The following LRP12 variants were observed in gnomAD, a reference collection of about 807,000 sequenced individuals.
The protein encoded by LRP12 is low-density lipoprotein receptor-related protein 12.
In LRP12, 14 loss-of-function variants were observed where a neutral mutation model predicts 66.0. The ratio of observed to expected loss-of-function variants is 0.21; its 90% CI spans 0.14 to 0.33. The LOEUF is 0.33. LRP12 is among the 10% of genes least tolerant of loss of function. The probability of loss-of-function intolerance (pLI) is 1.00; values close to 1 mark genes in which losing one functional copy is unlikely to be tolerated. For synonymous variants in LRP12, 357 were observed against 359.1 expected (o/e 0.99, Z 0.07); for missense variants, 889 against 1,053.4 (o/e 0.84, Z 2.16).
At chr8:104,580,788 T>G (rs557747779) in intron 1 of LRP12, among the ~76,000 whole-genome samples, 1 of 152,216 alleles carries the variant, frequency 6.6e-6, no homozygotes, top group African/African-American at 2.4e-5. Context: ...AAATAACAAA[T>G]GCTTGCGAGG....
At chr8:104,561,943 A>G (rs1811914836) in intron 1 of LRP12, among the ~76,000 whole-genome samples, 1 of 152,142 alleles carries the variant, frequency 6.6e-6, no homozygotes, top group African/African-American at 2.4e-5. Context: ...GAGGAATGGT[A>G]TTTAGAGACC....
At chr8:104,540,693 T>G (rs548596533) in intron 1 of LRP12, among the ~76,000 whole-genome samples, 1 of 152,326 alleles carries the variant, frequency 6.6e-6, no homozygotes, top group African/African-American at 2.4e-5. Flanking sequence ...ATTTATAACA[T>G]TACTTTTAAT....
At chr8:104,543,074 G>A (rs1417047947) in intron 1 of LRP12, among the ~76,000 whole-genome samples, 2 of 151,338 alleles carry the variant, frequency 1.3e-5, no homozygotes, top group African/African-American at 4.9e-5. Context: ...GACACTGAGT[G>A]CTGTTACTCA....
intron 4 of LRP12, 105 bp downstream of exon 4, chr8:104,499,212 C>T: frequency 1.2e-6 from 1 of 854,084 alleles, no homozygotes; most frequent in Non-Finnish European, 1.8e-6. Flanking sequence ...GCCTCAAGGG[C>T]CTACTCCTAA....
intron 1 of LRP12, among the ~76,000 whole-genome samples, chr8:104,546,307 G>A (rs1000381908): frequency 6.6e-6 from 1 of 151,966 alleles, no homozygotes; most frequent in Non-Finnish European, 1.5e-5. Context: ...TGATAAGTGC[G>A]AACAAATATG....
intron 2 of LRP12, among the ~76,000 whole-genome samples, chr8:104,510,376 G>A (rs890713932): frequency 2.0e-5 from 3 of 152,164 alleles, no homozygotes; most frequent in Non-Finnish European, 2.9e-5. Context: ...TTGAAATAGT[G>A]CTTAAAATAT....
At chr8:104,580,541 AAAAC>A (rs538186997) in intron 1 of LRP12, among the ~76,000 whole-genome samples, 66 of 152,036 alleles carry the variant, frequency 4.3e-4, no homozygotes, top group African/African-American at 1.4e-3. Context: ...AAAAAAAAAC[AAAAC>A]AAACAAACAA....
chr8:104,539,321 G>C lies in LRP12; in HGVS notation c.80-7358C>G, dbSNP rs577643956. ...ACTCTAAAATATTAGTGGATGAAAT[G>C]ATGTCTGGTATTTCTTCAAAATATG... On this transcript the variant is annotated intron_variant, in intron 1 of 6. Transcript: ENST00000276654. 3.3e-5 allele frequency among the ~76,000 whole-genome samples: 5 copies of C among 152,276 alleles called. No individual in the cohort carries two copies. The South Asian group carries it at 1.0e-3, about 32-fold the overall frequency.
At chr8:104,555,011 T>C (rs1811783251) in intron 1 of LRP12, among the ~76,000 whole-genome samples, 1 of 152,204 alleles carries the variant, frequency 6.6e-6, no homozygotes, top group Non-Finnish European at 1.5e-5. Flanking sequence ...AAGAATTCTG[T>C]ATCCAGCAAA....
At chr8:104,580,674 T>C (rs904956689) in intron 1 of LRP12, among the ~76,000 whole-genome samples, 15 of 152,152 alleles carry the variant, frequency 9.9e-5, no homozygotes, top group African/African-American at 3.6e-4. Context: ...CCAACAATCA[T>C]ATGAAATATA....
At chr8:104,530,577 C>T (rs1342113939) in intron 2 of LRP12, among the ~76,000 whole-genome samples, 8 of 152,172 alleles carry the variant, frequency 5.3e-5, no homozygotes, top group African/African-American at 1.9e-4. Context: ...AAACTGATGT[C>T]TGTTATTTAA....
intron 3 of LRP12, 38 bp downstream of exon 3, chr8:104,508,901 G>T (rs747551610): frequency 6.6e-7 from 1 of 1,520,234 alleles, no homozygotes; most frequent in South Asian, 1.2e-5. Context: ...TTTATGTTTT[G>T]TAATAAATTA....
chr8:104,500,027 C>T (rs531200151), intron 3 of LRP12, among the ~76,000 whole-genome samples: 15 of 152,244 alleles, frequency 9.9e-5, no homozygotes, highest in African/African-American at 2.6e-4. Flanking sequence ...AAGGAACACA[C>T]GAAAAATGTT....
chr8:104,533,950 C>T, intron 1 of LRP12, among the ~76,000 whole-genome samples: 1 of 151,862 alleles, frequency 6.6e-6, no homozygotes, highest in African/African-American at 2.4e-5. Flanking sequence ...AAACCAGCTC[C>T]ATTACTTCTT....
intron 1 of LRP12, among the ~76,000 whole-genome samples, chr8:104,536,002 C>A (rs1037423659): frequency 2.0e-5 from 3 of 152,074 alleles, no homozygotes; most frequent in Non-Finnish European, 2.9e-5. Context: ...CCTACAATTT[C>A]TTTTCTACTG....
At chr8:104,559,269 C>T (rs1313881334) in intron 1 of LRP12, among the ~76,000 whole-genome samples, 2 of 152,098 alleles carry the variant, frequency 1.3e-5, no homozygotes, top group African/African-American at 2.4e-5. Context: ...GAATACTACT[C>T]AGCCATAAAA....
intron 1 of LRP12, among the ~76,000 whole-genome samples, chr8:104,544,480 G>A (rs905069890): frequency 2.6e-5 from 4 of 152,160 alleles, no homozygotes; most frequent in Non-Finnish European, 4.4e-5. Flanking sequence ...ACTTTTCCTA[G>A]CGAGAGAGAA....
chr8:104,564,091 C>CA (rs1008349200), intron 1 of LRP12, among the ~76,000 whole-genome samples: 4 of 151,852 alleles, frequency 2.6e-5, no homozygotes, highest in South Asian at 2.1e-4. Flanking sequence ...GTAACTACTT[C>CA]AAAATATTTC....
At chr8:104,581,582 T>C (rs1246426530) in intron 1 of LRP12, among the ~76,000 whole-genome samples, 1 of 152,026 alleles carries the variant, frequency 6.6e-6, no homozygotes, top group Non-Finnish European at 1.5e-5. Context: ...GTTTAATTTA[T>C]ATTTTAAGAA....
Sources: gnomAD v4.1 joint callset for allele counts (sites outside exome capture counted in the v4.1 genomes callset) on GRCh38, gnomAD v4.1.1 for gene constraint, MANE v1.5 for transcripts, NCBI Gene and HGNC (gene_info 2026-07-23, HGNC 2026-07-21) for gene names.